PTGER4: variants seen among roughly 807,000 people sequenced by gnomAD.
PTGER4 encodes prostaglandin E2 receptor EP4 subtype.
A neutral mutation model predicts 33.2 loss-of-function variants in PTGER4; 11 were observed. The ratio of observed to expected loss-of-function variants is 0.33; its 90% CI spans 0.21 to 0.55. PTGER4 has a LOEUF of 0.55. Ranked by LOEUF, PTGER4 falls within the 20% of genes least tolerant of loss-of-function variation. The probability of loss-of-function intolerance (pLI) is 0.92; values close to 1 mark genes in which losing one functional copy is unlikely to be tolerated. For synonymous variants in PTGER4, 275 were observed against 281.5 expected, an observed-to-expected ratio of 0.98 and a Z score of 0.23; for missense variants, 481 against 650.2, an observed-to-expected ratio of 0.74 and a Z score of 2.83.
At chr5:40,707,021 T>C in the PTGER4 span, among the ~76,000 whole-genome samples, 1 of 152,132 alleles carries the variant, frequency 6.6e-6, no homozygotes, top group Non-Finnish European at 1.5e-5. Flanking sequence ...CAAGAGCTCC[T>C]GAAGGAAGCA....
At chr5:40,742,175 T>C in the PTGER4 span, among the ~76,000 whole-genome samples, 1 of 152,138 alleles carries the variant, frequency 6.6e-6, no homozygotes, top group African/African-American at 2.4e-5. Context: ...AACTCTCTCA[T>C]GGCTGTCAGT....
the PTGER4 span, among the ~76,000 whole-genome samples, chr5:40,724,227 G>T: frequency 6.6e-6 from 1 of 152,148 alleles, no homozygotes; most frequent in Non-Finnish European, 1.5e-5. Flanking sequence ...ACACAACATG[G>T]ATGGGACTTT....
the PTGER4 span, chr5:40,716,033 A>T: frequency 1.1e-6 from 1 of 880,688 alleles, no homozygotes; most frequent in Non-Finnish European, 1.7e-6. Context: ...CATCTGAAAA[A>T]CATATTTTAC....
Position 40,693,591 on chromosome 5 carries a change from GA to G in PTGER4, c.*1216del. 1.0e-6 allele frequency: 1 copy of G among 985,916 alleles called. No individual in the cohort carries two copies. The highest frequency in any genetic ancestry group is 1.2e-6 in the Non-Finnish European group (1 of 829,878). The allele number at this position is 985,916 out of a possible 1,614,324, so 61.1% of individuals were successfully genotyped here. On this transcript the variant is annotated 3_prime_UTR_variant, in exon 3 of 3. Coordinates refer to ENST00000302472, the MANE Select transcript of PTGER4 (RefSeq NM_000958.3). ...ACATATTTGAAGGGTCTTTCTCAAA[GA>G]AATATTAAGCATGTTTTGTTGCTCA...
chr5:40,681,000 A>T lies in PTGER4; in HGVS notation c.7A>T (p.Thr3Ser). The change falls in exon 2 of 3, where the codon ACT (threonine) becomes TCT (serine). Residue 3 changes from threonine to serine, a missense_variant. By Grantham distance (58) the Thr-to-Ser change is moderately conservative (BLOSUM62 1). Transcript: ENST00000302472. This position sits in a 1 kb window ranked among gnomAD's most constrained non-coding sequence, Gnocchi z 5.5. The stretch of plus-strand genomic sequence containing the variant: ...CGCACCGCCAGCCACTATCATGTCC[A>T]CTCCCGGGGTCAATTCGTCCGCCTC... Reference protein sequence around the residue: MSTPGVNSSASLS... With the variant: MSSPGVNSSASLS... The T allele has an allele frequency of 2.5e-6, 4 of 1,609,230 alleles. No homozygotes were observed. The highest frequency in any genetic ancestry group is 2.5e-6 in the Non-Finnish European group (3 of 1,177,758).
At chr5:40,724,382 C>T in the PTGER4 span, among the ~76,000 whole-genome samples, 1 of 152,094 alleles carries the variant, frequency 6.6e-6, no homozygotes, top group African/African-American at 2.4e-5. Context: ...CGCCTGTAAT[C>T]CCGGAACATT....
the PTGER4 span, chr5:40,716,368 G>A: frequency 8.7e-6 from 14 of 1,614,118 alleles, no homozygotes; most frequent in Non-Finnish European, 6.8e-6. Flanking sequence ...TTCAGCTGGT[G>A]CTTCACTTTT....
chr5:40,726,624 A>G, the PTGER4 span, among the ~76,000 whole-genome samples: 1 of 152,014 alleles, frequency 6.6e-6, no homozygotes. Context: ...CAGAAAAAAA[A>G]AAAGTCGAAC....
Position 40,681,449 on chromosome 5 carries a change from G to T in PTGER4, c.456G>T (p.Ala152=), listed in dbSNP as rs756544617. 6.2e-7 allele frequency: 1 copy of T among 1,613,770 alleles called. No homozygotes were observed. Among genetic ancestry groups the T allele is most frequent in the South Asian group, 1.1e-5 (1 of 91,080 alleles). ...AVYASNVLFC[A]LPNMGLGSSR... is the part of the protein sequence containing the mutation. The stretch of plus-strand genomic sequence containing the variant: ...ATGCGTCCAACGTGCTCTTTTGCGC[G>T]CTGCCCAACATGGGTCTCGGTAGCT... The change falls in exon 2 of 3, where the codon GCG becomes GCT. Residue 152 remains alanine, a synonymous_variant. Transcript: ENST00000302472. The surrounding 1 kb of genome is among the most constrained non-coding windows in gnomAD (Gnocchi z 9.8).
chr5:40,716,447 T>C, the PTGER4 span: 5 of 1,613,642 alleles, frequency 3.1e-6, no homozygotes, highest in South Asian at 4.4e-5. Flanking sequence ...TCTTTCCATA[T>C]TTCAGGGTTC....
the PTGER4 span, among the ~76,000 whole-genome samples, chr5:40,727,743 T>G: frequency 3.9e-5 from 6 of 152,190 alleles, no homozygotes; most frequent in Non-Finnish European, 7.3e-5. Flanking sequence ...AAGTTGCCTA[T>G]TGTCTATTTA....
the PTGER4 span, among the ~76,000 whole-genome samples, chr5:40,733,948 A>G: frequency 6.6e-6 from 1 of 152,226 alleles, no homozygotes; most frequent in Non-Finnish European, 1.5e-5. Context: ...AGATTTGAGA[A>G]AAAAGAAAAA....
the PTGER4 span, chr5:40,730,385 G>T: frequency 6.5e-7 from 1 of 1,539,874 alleles, no homozygotes; most frequent in Non-Finnish European, 8.9e-7. Context: ...TTTTCAATAT[G>T]CTTTTTTGGA....
At chr5:40,727,201 T>C in the PTGER4 span, among the ~76,000 whole-genome samples, 1 of 152,354 alleles carries the variant, frequency 6.6e-6, no homozygotes, top group South Asian at 2.1e-4. Flanking sequence ...AGTAAGTTTA[T>C]ATTTTGAATT....
At chr5:40,698,088 T>C (rs1470938411), downstream of PTGER4, among the ~76,000 whole-genome samples, 1 of 29,502 alleles carries the variant, frequency 3.4e-5, no homozygotes, top group African/African-American at 1.6e-4. Flanking sequence ...AGACCCTGTC[T>C]CTACAAAAAA....
At chr5:40,739,251 C>T in the PTGER4 span, among the ~76,000 whole-genome samples, 1 of 152,206 alleles carries the variant, frequency 6.6e-6, no homozygotes, top group Admixed American at 6.5e-5. Context: ...TGCATTTCCA[C>T]ATAAACTTTA....
At chr5:40,741,407 G>A in the PTGER4 span, among the ~76,000 whole-genome samples, 2 of 152,198 alleles carry the variant, frequency 1.3e-5, no homozygotes, top group Non-Finnish European at 2.9e-5. Flanking sequence ...CTGTATGAAC[G>A]CTACGAATGG....
In PTGER4 at chr5:40,681,571, C is replaced by G. The variant is rs767918740; in HGVS notation, c.578C>G (p.Ser193Cys). The stretch of plus-strand genomic sequence containing the variant: ...TCCTACATGTACGCGGGCTTCAGCT[C>G]CTTCCTCATTCTCGCCACCGTCCTC... ...AYSYMYAGFSSFLILATVLCN... is the reference protein window; with the variant it reads ...AYSYMYAGFSCFLILATVLCN... Residue 193 changes from serine to cysteine, a missense_variant, in exon 2 of 3, where the codon TCC becomes TGC. This residue lies in a region of PTGER4 where 174 missense variants were observed against 210.5 expected (regional missense o/e 0.83). Coordinates refer to ENST00000302472, the MANE Select transcript of PTGER4 (RefSeq NM_000958.3). The surrounding 1 kb of genome is among the most constrained non-coding windows in gnomAD (Gnocchi z 9.8). 3.1e-6 allele frequency: 5 copies of G among 1,611,008 alleles called. No homozygotes were observed. In the South Asian group the frequency reaches 4.4e-5, roughly 14 times the overall value.
the PTGER4 span, among the ~76,000 whole-genome samples, chr5:40,711,389 T>C: frequency 5.3e-5 from 8 of 152,114 alleles, no homozygotes; most frequent in Non-Finnish European, 1.0e-4. Flanking sequence ...ATATCAATCA[T>C]TGACAAGGAT....
Sources: gnomAD v4.1 joint callset for allele counts (sites outside exome capture counted in the v4.1 genomes callset) on GRCh38, gnomAD v4.1.1 for gene constraint, gnomAD v4.1.1 regional missense constraint, Gnocchi (gnomAD v3.1) non-coding constraint, MANE v1.5 for transcripts, NCBI Gene and HGNC (gene_info 2026-07-23, HGNC 2026-07-21) for gene names.